TEDC1: variants seen among roughly 807,000 people sequenced by gnomAD.
TEDC1 encodes the protein tubulin epsilon and delta complex 1.
TEDC1 carries 54 observed loss-of-function variants against 59.9 expected under a neutral mutation model. That is an observed-to-expected ratio of 0.90 (90% confidence interval 0.72 to 1.13). The LOEUF (loss-of-function observed/expected upper bound fraction) is 1.13. Ranked by LOEUF, TEDC1 falls within the 50% of genes most tolerant of loss-of-function variation. TEDC1 has a pLI of 0.00. For missense variants in TEDC1, 734 were observed against 683.4 expected (o/e 1.07, Z -0.83); for synonymous variants, 353 against 298.1 (o/e 1.18, Z -1.90).
chr14:105,498,949 G>GC lies in TEDC1; in HGVS notation c.*5dup. On this transcript the variant is annotated 3_prime_UTR_variant, in exon 9 of 9. Transcript: ENST00000392523. ...GGATCCCGCCACCTGGACGCTGAGG[G>GC]CCTGTCGACGGGCCCTCGTGTGGGA... 6.3e-7 allele frequency: 1 copy of GC among 1,595,946 alleles called. No homozygotes were observed. Among genetic ancestry groups the GC allele is most frequent in the East Asian group, 2.3e-5 (1 of 44,340 alleles).
chr14:105,491,745 G>A (rs1555439422), intron 2 of TEDC1, 45 bp downstream of exon 2: 5 of 1,412,508 alleles, frequency 3.5e-6, no homozygotes, highest in Admixed American at 2.3e-5. Context: ...CACTGGCCCC[G>A]CCTACTCCTG....
At chr14:105,498,420 T>C (rs1280941773) in intron 8 of TEDC1, among the ~76,000 whole-genome samples, 197 bp from the exon 9 acceptor site, 1 of 152,252 alleles carries the variant, frequency 6.6e-6, no homozygotes, top group East Asian at 1.9e-4. Flanking sequence ...TCCATCTATT[T>C]TCTTTTTCTG....
At position 105,492,591 on chromosome 14, in the gene TEDC1, G is replaced by A. The variant is rs587754406; in HGVS notation, c.442G>A (p.Ala148Thr). The change falls in exon 4 of 9, where the codon GCC becomes ACC. Residue 148 changes from alanine (A) to threonine (T), a missense_variant. Physicochemically the swap from Ala to Thr is moderately conservative, Grantham distance 58 (BLOSUM62 0). Coordinates refer to ENST00000392523, the MANE Select transcript of TEDC1 (RefSeq NM_001367178.1). ...EMTVCQCEAL[A>T]SPGPPAPHME... is the part of the protein sequence containing the mutation. ...TGCCCCTCTCCAGTGTGAGGCCCTG[G>A]CCAGCCCTGGCCCACCTGCACCCCA... The A allele has an allele frequency of 2.2e-5, 34 of 1,539,474 alleles. No homozygotes were observed. In the African/African-American group the frequency reaches 4.2e-4, roughly 19 times the overall value.
Position 105,499,026 on chromosome 14 carries a change from C to T in TEDC1, c.*80C>T. The T allele has an allele frequency of 2.8e-6, 4 of 1,404,690 alleles. No homozygotes were observed. In the South Asian group the frequency reaches 5.6e-5, roughly 20 times the overall value. 87.0% of individuals were successfully genotyped at this position (1,404,690 alleles called of 1,614,324 possible). A position where few individuals can be genotyped will look rare whatever the true frequency, so the allele number is the denominator to read the frequency against. ...GTCTTGGAGGAGCAGATTCCAAGGC[C>T]AGGTGGCCGCAGGGACGATGCAGAT... On this transcript the variant is annotated 3_prime_UTR_variant, in exon 9 of 9. Coordinates refer to ENST00000392523, the MANE Select transcript of TEDC1 (RefSeq NM_001367178.1).
intron 2 of TEDC1, 97 bp downstream of exon 2, chr14:105,491,797 C>G (rs587723680): frequency 1.7e-5 from 23 of 1,372,588 alleles, no homozygotes; most frequent in Non-Finnish European, 2.1e-5. Context: ...CCGGCAGGCT[C>G]TAGCCCCCAC....
At chr14:105,493,991 G>A (rs1466263811) in intron 5 of TEDC1, 58 bp downstream of exon 5, 5 of 531,914 alleles carry the variant, frequency 9.4e-6, no homozygotes, top group African/African-American at 2.0e-5. Flanking sequence ...CACAGCAGGG[G>A]GACTGCCCAG....
chr14:105,498,093 GACAC>G, intron 8 of TEDC1, 116 bp downstream of exon 8: 1 of 1,288,738 alleles, frequency 7.8e-7, no homozygotes, highest in Non-Finnish European at 1.0e-6. Flanking sequence ...CATGGCAGGG[GACAC>G]ACTTAGAGGC....
chr14:105,498,103 G>A (rs934311248), intron 8 of TEDC1, 126 bp downstream of exon 8: 3 of 1,217,108 alleles, frequency 2.5e-6, no homozygotes, highest in Non-Finnish European at 3.3e-6. Flanking sequence ...GACACACTTA[G>A]AGGCACGTAC....
In TEDC1 at chr14:105,495,983, T is replaced by C. The variant is rs1346494461; in HGVS notation, c.788T>C (p.Leu263Pro). 4.5e-6 allele frequency: 7 copies of C among 1,550,196 alleles called. No individual in the cohort carries two copies. The South Asian group carries it at 4.8e-5, about 11-fold the overall frequency. The change falls in exon 6 of 9, where the codon CTG becomes CCG. Residue 263 changes from leucine to proline, a missense_variant. Physicochemically the swap from Leu to Pro is moderately conservative, Grantham distance 98 (BLOSUM62 -3). Transcript: ENST00000392523. ...GGTCCCAGAACCTTCTGGAATGATC[T>C]GTGGCTGGTATGTGAGCAGCCAGGT... is the stretch of plus-strand genomic sequence containing the variant. ...GMGPRTFWND[L>P]WLVCEQPGLL...
At chr14:105,491,196 G>A (rs1370936105), upstream of TEDC1, 1 of 1,547,812 alleles carries the variant, frequency 6.5e-7, no homozygotes, top group Non-Finnish European at 8.7e-7. Context: ...GCAGGTCCCA[G>A]CCGGCGCGGT....
chr14:105,491,543 A>C, intron 1 of TEDC1, 21 bp downstream of exon 1: 1 of 1,528,860 alleles, frequency 6.5e-7, no homozygotes, highest in Non-Finnish European at 8.8e-7. Flanking sequence ...CGCGGAGGGC[A>C]GGCGGGCCGG....
chr14:105,490,805 C>T (rs1353662661), upstream of TEDC1: 13 of 592,504 alleles, frequency 2.2e-5, no homozygotes, highest in East Asian at 3.7e-4. Flanking sequence ...TCCGCTCCGA[C>T]TGCGTAAGCG....
chr14:105,491,416 C>T lies in TEDC1; in HGVS notation c.41C>T (p.Ala14Val), dbSNP rs1595468702. Residue 14 changes from alanine to valine, a missense_variant, in exon 1 of 9, where the codon GCC (alanine) becomes GTC (valine). By Grantham distance (64) the Ala-to-Val change is moderately conservative. Coordinates refer to ENST00000392523, the MANE Select transcript of TEDC1 (RefSeq NM_001367178.1). ...CAGCGGGTGGACCCCGCGGCTGGGGCCCGGGCCGGGGCCCTGCCTGAGGCC... is the reference window on the plus strand; with the variant it reads ...CAGCGGGTGGACCCCGCGGCTGGGGTCCGGGCCGGGGCCCTGCCTGAGGCC... ...RRQRVDPAAG[A>V]RAGALPEAIA... 1 of 1,418,452 alleles carries T rather than the reference C, an allele frequency of 7.0e-7. No individual in the cohort carries two copies. Among genetic ancestry groups the T allele is most frequent in the Non-Finnish European group, 9.1e-7 (1 of 1,095,724 alleles). 87.9% of individuals were successfully genotyped at this position (1,418,452 alleles called of 1,614,324 possible).
chr14:105,497,080 G>A (rs2084362937), intron 6 of TEDC1: 3 of 544,120 alleles, frequency 5.5e-6, no homozygotes, highest in East Asian at 3.3e-5. Context: ...AGAGCCGGGG[G>A]GCAGCTCTTG....
intron 7 of TEDC1, 120 bp downstream of exon 7, chr14:105,497,563 T>A: frequency 8.0e-7 from 1 of 1,254,730 alleles, no homozygotes; most frequent in Admixed American, 2.6e-5. Context: ...GCCACAGACC[T>A]AGTGTAGGCT....
rs1208241548 is a variant in TEDC1, at chr14:105,496,038, G to A, written c.843G>A (p.Leu281=). 2.6e-6 allele frequency: 4 copies of A among 1,549,742 alleles called. No homozygotes were observed. Among genetic ancestry groups the A allele is most frequent in the South Asian group, 1.2e-5 (1 of 84,052 alleles). ...GLLPGDWAAP[L]DPGGASACSL... ...TGCCGGGTGACTGGGCAGCACCCTT[G>A]GATCCTGGTGGGGCCTCAGCCTGCA... Residue 281 remains leucine, a synonymous_variant, in exon 6 of 9, where the codon TTG becomes TTA. Transcript: ENST00000392523.
intron 5 of TEDC1, 22 bp downstream of exon 5, chr14:105,493,955 CGGGGGGGTGGG>C: frequency 1.0e-5 from 1 of 98,962 alleles, no homozygotes; most frequent in Non-Finnish European, 1.9e-5. Flanking sequence ...CAAGCTGCTG[CGGGGGGGTGGG>C]GGTGGGCTGG....
chr14:105,496,762 G>A (rs1020489333), intron 6 of TEDC1: 1 of 159,238 alleles, frequency 6.3e-6, no homozygotes, highest in Non-Finnish European at 1.4e-5. Context: ...GGGTCTCCTG[G>A]CCCTGCCTGA....
chr14:105,490,782 G>A (rs1280507651), upstream of TEDC1: 3 of 538,806 alleles, frequency 5.6e-6, no homozygotes, highest in South Asian at 6.1e-5. Context: ...GCGGCGCGAT[G>A]GGGCGAGGCT....
Sources: allele counts gnomAD v4.1 joint callset (sites outside exome capture counted in the v4.1 genomes callset), GRCh38; gene constraint gnomAD v4.1.1; transcripts MANE v1.5; gene names NCBI Gene and HGNC (gene_info 2026-07-23, HGNC 2026-07-21).